The following ACYP2 variants were observed in gnomAD, a reference collection of about 807,000 sequenced individuals.
The protein encoded by ACYP2 is acylphosphatase 2.
Under a neutral mutation model 11.2 loss-of-function variants are expected in ACYP2, and 12 were observed. The ratio of observed to expected loss-of-function variants is 1.08; its 90% CI spans 0.69 to 1.74. ACYP2 has a LOEUF of 1.74. ACYP2 is among the 40% of genes most tolerant of loss of function. ACYP2 has a pLI of 0.00. For synonymous variants in ACYP2, 43 were observed against 32.2 expected (o/e 1.33, Z -1.13); for missense variants, 134 against 101.9 (o/e 1.31, Z -1.35).
At chr2:54,172,159 A>G (rs890276291) in intron 6 of ACYP2, among the ~76,000 whole-genome samples, 1 of 152,174 alleles carries the variant, frequency 6.6e-6, no homozygotes, top group African/African-American at 2.4e-5. Context: ...TTGAGGCTGC[A>G]GTGAGCTATA....
Position 54,232,599 on chromosome 2 carries a change from C to T in ACYP2, c.405-72089C>T, listed in dbSNP as rs182796010. ...GGAAATGGGTATTAGTCCATTTTCA[C>T]ACTGTTATAAAGAGCTGCTTGAGAC... On this transcript the variant is annotated intron_variant, in intron 6 of 6. Transcript: ENST00000607452. Among the ~76,000 whole-genome samples, 270 of 152,226 alleles carry T rather than the reference C, an allele frequency of 1.8e-3. 2 individuals carry two copies. The highest frequency in any genetic ancestry group is 6.1e-3 in the African/African-American group (255 of 41,534).
chr2:54,290,229 C>A (rs1468126832), intron 6 of ACYP2, among the ~76,000 whole-genome samples: 1 of 152,100 alleles, frequency 6.6e-6, no homozygotes, highest in Non-Finnish European at 1.5e-5. Flanking sequence ...GAGGCCGTGG[C>A]TGCCTGGCTT....
At chr2:53,995,584 A>G (rs976739373) in intron 2 of ACYP2, among the ~76,000 whole-genome samples, 3 of 150,272 alleles carry the variant, frequency 2.0e-5, no homozygotes, top group Non-Finnish European at 3.0e-5. Context: ...GCTCACTGCA[A>G]CCTCCGCCTC....
chr2:53,984,080 C>CCAT (rs960297839), intron 2 of ACYP2, among the ~76,000 whole-genome samples: 3 of 151,938 alleles, frequency 2.0e-5, no homozygotes, highest in Non-Finnish European at 2.9e-5. Flanking sequence ...ATCATCATCA[C>CCAT]CATCATCATC....
chr2:54,207,653 T>A (rs1685137014), intron 6 of ACYP2, among the ~76,000 whole-genome samples: 1 of 152,234 alleles, frequency 6.6e-6, no homozygotes, highest in Admixed American at 6.5e-5. Flanking sequence ...GCTAGCATTT[T>A]TACTAACTTG....
chr2:54,235,439 C>G (rs1686432615), intron 6 of ACYP2, among the ~76,000 whole-genome samples: 1 of 152,160 alleles, frequency 6.6e-6, no homozygotes, highest in Non-Finnish European at 1.5e-5. Context: ...AGCTCCGCCT[C>G]CCGGGTTCAC....
chr2:54,118,403 T>C (rs1278973738), intron 4 of ACYP2, among the ~76,000 whole-genome samples: 1 of 152,222 alleles, frequency 6.6e-6, no homozygotes, highest in African/African-American at 2.4e-5. Context: ...TTCTTTGTGC[T>C]GAGCATTTCA....
chr2:54,244,188 C>CTTATGTAT (rs904071716), intron 6 of ACYP2, among the ~76,000 whole-genome samples: 12 of 151,856 alleles, frequency 7.9e-5, no homozygotes, highest in Admixed American at 3.3e-4. Context: ...ACTGATTTAA[C>CTTATGTAT]TTATGTATTT....
intron 4 of ACYP2, among the ~76,000 whole-genome samples, chr2:54,128,157 G>A (rs72800755): frequency 6.6e-6 from 1 of 152,182 alleles, no homozygotes; most frequent in Non-Finnish European, 1.5e-5. Context: ...AAAAAATGGT[G>A]GGGATGGTTT....
At chr2:54,039,258 A>ATTTTTTTTTTTTTTTTTTTTTTTTTT (rs112626580) in intron 2 of ACYP2, among the ~76,000 whole-genome samples, 2 of 133,306 alleles carry the variant, frequency 1.5e-5, no homozygotes, top group African/African-American at 2.8e-5. Context: ...TCGTGCTTTA[A>ATTTTTTTTTTTTTTTTTTTTTTTTTT]TTTTTTTTTT....
At chr2:54,221,708 A>C (rs1471890819) in intron 6 of ACYP2, among the ~76,000 whole-genome samples, 3 of 151,742 alleles carry the variant, frequency 2.0e-5, no homozygotes, top group Middle Eastern at 3.4e-3. Context: ...TTTAGTAGAG[A>C]CAAGGTTTTC....
At chr2:54,251,864 G>A (rs958468772) in intron 6 of ACYP2, among the ~76,000 whole-genome samples, 1 of 152,188 alleles carries the variant, frequency 6.6e-6, no homozygotes, top group African/African-American at 2.4e-5. Flanking sequence ...AAAAGATTCA[G>A]ATTCCCTATG....
At chr2:54,073,673 TA>T (rs1677181028) in intron 4 of ACYP2, among the ~76,000 whole-genome samples, 1 of 152,190 alleles carries the variant, frequency 6.6e-6, no homozygotes, top group Non-Finnish European at 1.5e-5. Context: ...TGTAAATAAC[TA>T]TTACAACTCA....
chr2:54,165,064 T>C (rs1259517667), intron 6 of ACYP2, among the ~76,000 whole-genome samples: 2 of 152,218 alleles, frequency 1.3e-5, no homozygotes, highest in Non-Finnish European at 2.9e-5. Flanking sequence ...GGCTGTATAG[T>C]ATTCAATGGT....
chr2:54,084,786 C>G (rs1677859181), intron 4 of ACYP2: 1 of 152,202 alleles, frequency 6.6e-6, no homozygotes, highest in Admixed American at 6.5e-5. Context: ...TTGTCCTAGT[C>G]AGCAACTTGC....
chr2:54,014,738 TTTTC>T (rs1215558994), intron 2 of ACYP2, among the ~76,000 whole-genome samples: 2 of 151,930 alleles, frequency 1.3e-5, no homozygotes, highest in African/African-American at 4.8e-5. Context: ...AAAAAATTTT[TTTTC>T]TTTTTTGTTT....
At chr2:54,051,514 G>A (rs1456977021) in intron 3 of ACYP2, 1 of 715,174 alleles carries the variant, frequency 1.4e-6, no homozygotes, top group Non-Finnish European at 2.6e-6. Flanking sequence ...CTTTTTTTCT[G>A]TTCTGTTCTG....
At chr2:54,252,108 G>A (rs1440116185) in intron 6 of ACYP2, among the ~76,000 whole-genome samples, 1 of 152,142 alleles carries the variant, frequency 6.6e-6, no homozygotes, top group African/African-American at 2.4e-5. Context: ...GCACTATTCT[G>A]ACTTCTACCA....
intron 6 of ACYP2, among the ~76,000 whole-genome samples, chr2:54,143,626 G>T (rs527495260): frequency 6.6e-6 from 1 of 151,362 alleles, no homozygotes; most frequent in Non-Finnish European, 1.5e-5. Flanking sequence ...TAGAGACAGG[G>T]TTTCACCATA....
Sources: gnomAD v4.1 joint callset for allele counts (sites outside exome capture counted in the v4.1 genomes callset) on GRCh38, gnomAD v4.1.1 for gene constraint, MANE v1.5 for transcripts, NCBI Gene and HGNC (gene_info 2026-07-23, HGNC 2026-07-21) for gene names.